NCAPH: variants seen among roughly 807,000 people sequenced by gnomAD.
The protein encoded by NCAPH is non-SMC condensin I complex subunit H, also known as condensin complex subunit 2.
Under a neutral mutation model 85.5 loss-of-function variants are expected in NCAPH, and 38 were observed. The observed-to-expected ratio is 0.44, with a 90% CI of 0.34 to 0.58. NCAPH has a LOEUF of 0.58. NCAPH is among the 20% of genes least tolerant of loss of function. The pLI is 0.01. For synonymous variants in NCAPH, 301 were observed against 335.1 expected (o/e 0.90, Z 1.11); for missense variants, 789 against 916.6 (o/e 0.86, Z 1.80).
At chr2:96,342,897 T>G (rs2064314697) in intron 4 of NCAPH, 49 bp downstream of exon 4, 8 of 1,488,092 alleles carry the variant, frequency 5.4e-6, no homozygotes, top group Non-Finnish European at 7.5e-6. Flanking sequence ...ATGATGATGA[T>G]TTCTACTACT....
Position 96,343,162 on chromosome 2 carries a change from C to CT in NCAPH, c.457-3dup. The CT allele has an allele frequency of 6.2e-7, 1 of 1,613,890 alleles. No homozygotes were observed. On this transcript the variant is annotated splice_region_variant and splice_polypyrimidine_tract_variant and intron_variant, in intron 4 of 17. Coordinates refer to ENST00000240423, the MANE Select transcript of NCAPH (RefSeq NM_015341.5). The stretch of plus-strand genomic sequence containing the variant: ...TGTGAGTGCAGCTCTGATTGTTTGA[C>CT]TAGGTGGCTGCGGGTACTCTGGATG...
At chr2:96,342,648 T>C in intron 3 of NCAPH, 108 bp from the exon 4 acceptor site, 1 of 839,204 alleles carries the variant, frequency 1.2e-6, no homozygotes. Flanking sequence ...TCAGTGACAA[T>C]ATGTGGGTAT....
intron 5 of NCAPH, among the ~76,000 whole-genome samples, chr2:96,343,726 A>G (rs1310218382): frequency 1.3e-5 from 2 of 148,628 alleles, no homozygotes; most frequent in Non-Finnish European, 1.5e-5. Context: ...TTTTGAAACG[A>G]GGCTCACTTT....
At chr2:96,335,951 G>A in intron 1 of NCAPH, 103 bp downstream of exon 1, 3 of 1,271,792 alleles carry the variant, frequency 2.4e-6, no homozygotes, top group Non-Finnish European at 3.1e-6. Context: ...GAGAGGATAT[G>A]CTCAGCTCGG....
At chr2:96,335,926 T>A in intron 1 of NCAPH, 78 bp downstream of exon 1, 6 of 1,281,072 alleles carry the variant, frequency 4.7e-6, no homozygotes, top group Non-Finnish European at 6.0e-6. Context: ...GCTGGCGGGC[T>A]GGCCTGGGCG....
rs1378212719 is a variant in NCAPH, at chr2:96,366,188, A to G, written c.1881+130A>G. ...TTTAACCTGTTGCTCTCCAAGTTTTAAATAGGGTTGTGGGAGTGAGCTGAT... is the reference window on the plus strand; with the variant it reads ...TTTAACCTGTTGCTCTCCAAGTTTTGAATAGGGTTGTGGGAGTGAGCTGAT... On this transcript the variant is annotated intron_variant, in intron 14 of 17. Coordinates refer to ENST00000240423, the MANE Select transcript of NCAPH (RefSeq NM_015341.5). 3.8e-6 allele frequency: 4 copies of G among 1,060,264 alleles called. No individual in the cohort carries two copies. The East Asian group carries it at 8.0e-5, about 21-fold the overall frequency. 65.7% of individuals were successfully genotyped at this position (1,060,264 alleles called of 1,614,324 possible).
rs754939568 is a variant in NCAPH at position 96,353,395 on chromosome 2, G to A, written c.1000G>A (p.Glu334Lys). 4 of 1,613,772 alleles carry A rather than the reference G, an allele frequency of 2.5e-6. No homozygotes were observed. Among genetic ancestry groups the A allele is most frequent in the Non-Finnish European group, 3.4e-6 (4 of 1,179,642 alleles). The stretch of plus-strand genomic sequence containing the variant: ...ACAGTGGGACAGTGAAACACATAAT[G>A]AGGTGTGGTCAAGTTTTAGTGGCTC... ...FTQWDSETHN[E>K]SVSALVDKFK... is the part of the protein sequence containing the mutation. Residue 334 changes from glutamate (E) to lysine (K), a missense_variant and splice_region_variant, in exon 8 of 18, where the codon GAG becomes AAG. By Grantham distance (56) the Glu-to-Lys change is moderately conservative. Transcript: ENST00000240423.
intron 1 of NCAPH, among the ~76,000 whole-genome samples, chr2:96,340,068 G>A (rs1448709961): frequency 6.6e-6 from 1 of 151,734 alleles, no homozygotes; most frequent in Non-Finnish European, 1.5e-5. Context: ...GATTACAGGC[G>A]CCCACCACCA....
chr2:96,363,744 T>C (rs1158047579), intron 12 of NCAPH, among the ~76,000 whole-genome samples: 1 of 152,170 alleles, frequency 6.6e-6, no homozygotes, highest in African/African-American at 2.4e-5. Flanking sequence ...AGGGAAGAGC[T>C]GGATGTCTCT....
intron 17 of NCAPH, among the ~76,000 whole-genome samples, chr2:96,370,028 C>T (rs2064752141): frequency 6.6e-6 from 1 of 152,244 alleles, no homozygotes; most frequent in Admixed American, 6.5e-5. Flanking sequence ...GGCCAGCCAA[C>T]AGCTGCATAG....
At chr2:96,338,241 G>GAAAAAAAAAAAAAA (rs34560390) in intron 1 of NCAPH, among the ~76,000 whole-genome samples, 10 of 80,796 alleles carry the variant, frequency 1.2e-4, no homozygotes, top group Non-Finnish European at 1.8e-4. Flanking sequence ...CTATTTTATT[G>GAAAAAAAAAAAAAA]AAAAAAAAAA....
At chr2:96,345,832 C>T (rs1488685711) in intron 6 of NCAPH, among the ~76,000 whole-genome samples, 1 of 152,162 alleles carries the variant, frequency 6.6e-6, no homozygotes, top group Admixed American at 6.5e-5. Context: ...ATTCGTATTA[C>T]TGTTTCAACA....
Position 96,376,678 on chromosome 2 carries a change from G to A in NCAPH, c.*3327G>A, listed in dbSNP as rs1408057518. ...CAGCATCTGCGGCAACGAGTTTGGT[G>A]TCCTGGAGCAAGGAAAGGAACCGTT... is the stretch of plus-strand genomic sequence containing the variant. On this transcript the variant is annotated 3_prime_UTR_variant, in exon 18 of 18. Coordinates refer to ENST00000240423, the MANE Select transcript of NCAPH (RefSeq NM_015341.5). Among the ~76,000 whole-genome samples the A allele has an allele frequency of 6.6e-6, 1 of 152,216 alleles. No individual in the cohort carries two copies. The highest frequency in any genetic ancestry group is 6.5e-5 in the Admixed American group (1 of 15,280).
intron 1 of NCAPH, among the ~76,000 whole-genome samples, chr2:96,338,665 G>A (rs987145765): frequency 1.6e-4 from 24 of 152,300 alleles, no homozygotes; most frequent in Non-Finnish European, 2.9e-4. Context: ...CAAGAGGTTA[G>A]AGTGATGGGG....
Position 96,369,059 on chromosome 2 carries a change from A to G in NCAPH, c.2086A>G (p.Arg696Gly), listed in dbSNP as rs2064737567. 6.4e-7 allele frequency: 1 copy of G among 1,554,450 alleles called. No homozygotes were observed. Among genetic ancestry groups the G allele is most frequent in the Admixed American group, 2.0e-5 (1 of 51,160 alleles). ...MLSGLTKDLQ[R>G]SLPPVMAQNL... ...TAGCGGGCTCACGAAGGACCTGCAG[A>G]GGAGGTGCGGGCTGGCAGGCATGGG... Residue 696 changes from arginine (R) to glycine (G), a missense_variant, in exon 16 of 18, where the codon AGG becomes GGG. Arg to Gly is a moderately radical substitution (Grantham distance 125, BLOSUM62 -2). Transcript: ENST00000240423.
chr2:96,372,436 GT>G (rs1461922962), intron 17 of NCAPH, among the ~76,000 whole-genome samples: 2 of 152,162 alleles, frequency 1.3e-5, no homozygotes, highest in African/African-American at 4.8e-5. Flanking sequence ...GTAGCCCCCT[GT>G]TTCCACAATT....
intron 6 of NCAPH, among the ~76,000 whole-genome samples, chr2:96,351,397 G>A (rs1000684286): frequency 3.3e-5 from 5 of 152,094 alleles, no homozygotes; most frequent in Non-Finnish European, 5.9e-5. Flanking sequence ...TGTTGGGTGC[G>A]GTGGTTCACA....
chr2:96,371,330 C>A (rs1395275515), intron 17 of NCAPH, among the ~76,000 whole-genome samples: 1 of 152,096 alleles, frequency 6.6e-6, no homozygotes, highest in African/African-American at 2.4e-5. Flanking sequence ...CTTCTGAGTC[C>A]AATTTAAGAG....
chr2:96,367,467 T>G, intron 15 of NCAPH, 94 bp downstream of exon 15: 1 of 831,400 alleles, frequency 1.2e-6, no homozygotes, highest in Non-Finnish European at 2.0e-6. Context: ...GGGCAATGCC[T>G]CCAATACAGA....
Sources: gnomAD v4.1 joint callset for allele counts (sites outside exome capture counted in the v4.1 genomes callset) on GRCh38, gnomAD v4.1.1 for gene constraint, MANE v1.5 for transcripts, NCBI Gene and HGNC (gene_info 2026-07-23, HGNC 2026-07-21) for gene names.